Variants in ADAMTSL3 observed in about 807,000 individuals in gnomAD.
ADAMTSL3 encodes the protein ADAMTS-like protein 3.
Under a neutral mutation model 201.7 loss-of-function variants are expected in ADAMTSL3, and 128 were observed. That is an observed-to-expected ratio of 0.63 (90% CI 0.55 to 0.73). The LOEUF (loss-of-function observed/expected upper bound fraction) is 0.73, where lower values mean the gene tolerates loss of function less well. Ranked by LOEUF, ADAMTSL3 falls within the 30% of genes least tolerant of loss-of-function variation. ADAMTSL3 has a pLI of 0.00. For synonymous variants in ADAMTSL3, 738 were observed against 748.4 expected (o/e 0.99, Z 0.23); for missense variants, 1,990 against 2,119.6 (o/e 0.94, Z 1.20).
intron 19 of ADAMTSL3, among the ~76,000 whole-genome samples, chr15:83,962,967 G>A (rs1380047234): frequency 6.6e-6 from 1 of 152,208 alleles, no homozygotes; most frequent in African/African-American, 2.4e-5. Flanking sequence ...TGTGCTGTGA[G>A]GAATGGTGCA....
intron 7 of ADAMTSL3, among the ~76,000 whole-genome samples, chr15:83,843,852 A>T (rs1439807928): frequency 1.3e-5 from 2 of 152,232 alleles, no homozygotes; most frequent in Non-Finnish European, 2.9e-5. Flanking sequence ...AAAATATCAG[A>T]AATTTATCCA....
chr15:83,730,410 C>G (rs2062247148), intron 3 of ADAMTSL3, among the ~76,000 whole-genome samples: 3 of 152,044 alleles, frequency 2.0e-5, no homozygotes. Context: ...AAACAAAATT[C>G]CAAACCTGGG....
chr15:83,737,990 G>A (rs557912961), intron 3 of ADAMTSL3, among the ~76,000 whole-genome samples: 1 of 152,276 alleles, frequency 6.6e-6, no homozygotes, highest in South Asian at 2.1e-4. Flanking sequence ...CACTGGCTGT[G>A]TTTCAACTAT....
intron 3 of ADAMTSL3, among the ~76,000 whole-genome samples, chr15:83,736,189 A>T (rs372052841): frequency 1.3e-5 from 2 of 152,168 alleles, no homozygotes; most frequent in East Asian, 3.9e-4. Context: ...TTTTCTGTTA[A>T]TTCTGGCCTT....
At chr15:83,729,496 T>C (rs1332533042) in intron 3 of ADAMTSL3, among the ~76,000 whole-genome samples, 2 of 152,010 alleles carry the variant, frequency 1.3e-5, no homozygotes, top group African/African-American at 4.8e-5. Flanking sequence ...GTCTTCAAGC[T>C]CACTAATTCT....
intron 10 of ADAMTSL3, among the ~76,000 whole-genome samples, chr15:83,885,533 T>G (rs573810945): frequency 6.6e-6 from 1 of 152,296 alleles, no homozygotes; most frequent in Admixed American, 6.5e-5. Context: ...ACGTATTATT[T>G]TTAATTTTCT....
At chr15:83,660,147 T>C (rs1567055651) in intron 2 of ADAMTSL3, among the ~76,000 whole-genome samples, 1 of 152,122 alleles carries the variant, frequency 6.6e-6, no homozygotes, top group African/African-American at 2.4e-5. Flanking sequence ...GGTGCAATCA[T>C]AGGGGCTGAG....
At chr15:83,895,985 T>A (rs1393128955) in intron 13 of ADAMTSL3, among the ~76,000 whole-genome samples, 1 of 152,174 alleles carries the variant, frequency 6.6e-6, no homozygotes, top group Non-Finnish European at 1.5e-5. Context: ...CTTTGAAACT[T>A]GTCCCTAGCA....
chr15:83,946,025 A>G (rs1282901818), intron 19 of ADAMTSL3: 1 of 152,414 alleles, frequency 6.6e-6, no homozygotes, highest in African/African-American at 2.4e-5. Context: ...GAAGAACAGC[A>G]AAGGGGCAGA....
intron 21 of ADAMTSL3, among the ~76,000 whole-genome samples, chr15:83,985,383 A>AT (rs2067456040): frequency 6.6e-6 from 1 of 150,378 alleles, no homozygotes; most frequent in Non-Finnish European, 1.5e-5. Flanking sequence ...TCATTTAAAA[A>AT]ATATATATAT....
intron 15 of ADAMTSL3, among the ~76,000 whole-genome samples, chr15:83,909,934 A>G (rs779686508): frequency 4.0e-5 from 6 of 151,698 alleles, no homozygotes; most frequent in African/African-American, 7.3e-5. Flanking sequence ...TGACAGATGT[A>G]TGTACCCCTC....
chr15:83,785,584 C>G (rs1213250326), intron 4 of ADAMTSL3, among the ~76,000 whole-genome samples: 1 of 152,112 alleles, frequency 6.6e-6, no homozygotes, highest in African/African-American at 2.4e-5. Flanking sequence ...CCATGTCTAG[C>G]TGTCAGTGTC....
At chr15:83,815,941 G>A (rs975246396) in intron 5 of ADAMTSL3, among the ~76,000 whole-genome samples, 3 of 152,180 alleles carry the variant, frequency 2.0e-5, no homozygotes, top group Non-Finnish European at 2.9e-5. Flanking sequence ...AGCATGATCC[G>A]GATATCAGGC....
intron 6 of ADAMTSL3, among the ~76,000 whole-genome samples, chr15:83,827,645 G>T (rs1475137401): frequency 6.6e-6 from 1 of 152,168 alleles, no homozygotes; most frequent in Non-Finnish European, 1.5e-5. Flanking sequence ...ATGGTTTTAG[G>T]TCTAACATTT....
chr15:83,788,831 CAG>C (rs1555444090), intron 4 of ADAMTSL3, among the ~76,000 whole-genome samples: 1 of 151,790 alleles, frequency 6.6e-6, no homozygotes, highest in Non-Finnish European at 1.5e-5. Flanking sequence ...TTTTTTGAGA[CAG>C]AGTCTTGCTC....
intron 3 of ADAMTSL3, among the ~76,000 whole-genome samples, chr15:83,732,670 C>T (rs2141609799): frequency 6.6e-6 from 1 of 152,190 alleles, no homozygotes; most frequent in South Asian, 2.1e-4. Context: ...GATTACATTC[C>T]ATAAAACCAT....
intron 28 of ADAMTSL3, among the ~76,000 whole-genome samples, chr15:84,034,252 G>T (rs912780875): frequency 1.1e-4 from 16 of 152,142 alleles, no homozygotes; most frequent in African/African-American, 3.9e-4. Flanking sequence ...TCTGTAGGTA[G>T]GTGAGGTGTT....
chr15:83,815,193 G>C (rs1000266829), intron 5 of ADAMTSL3, among the ~76,000 whole-genome samples: 2 of 152,092 alleles, frequency 1.3e-5, no homozygotes, highest in East Asian at 3.9e-4. Flanking sequence ...TATCAGGTTA[G>C]AGTCAAGTCT....
intron 10 of ADAMTSL3, among the ~76,000 whole-genome samples, chr15:83,889,154 G>C (rs2065456550): frequency 6.6e-6 from 1 of 152,118 alleles, no homozygotes; most frequent in African/African-American, 2.4e-5. Context: ...ACTTTCCTCA[G>C]AAACTCTACA....
Sources: allele counts gnomAD v4.1 joint callset (sites outside exome capture counted in the v4.1 genomes callset), GRCh38; gene constraint gnomAD v4.1.1; transcripts MANE v1.5; gene names NCBI Gene and HGNC (gene_info 2026-07-23, HGNC 2026-07-21).